The following AATF variants were observed in gnomAD, a reference collection of about 807,000 sequenced individuals.
AATF encodes the protein apoptosis antagonizing transcription factor.
AATF carries 48 observed loss-of-function variants against 63.7 expected under a neutral mutation model. The ratio of observed to expected loss-of-function variants is 0.75; its 90% CI spans 0.60 to 0.96. The LOEUF is 0.96. Among genes scored for constraint, AATF ranks in the 40% least tolerant of loss-of-function variants. The probability of loss-of-function intolerance (pLI) is 0.00; values close to 1 mark genes in which losing one functional copy is unlikely to be tolerated. For missense variants in AATF, 639 were observed against 685.7 expected (o/e 0.93, Z 0.76); for synonymous variants, 258 against 247.7 (o/e 1.04, Z -0.39).
rs199854942 is a variant in AATF, at chr17:36,953,864, C to G, written c.789C>G (p.Phe263Leu). 1.3e-5 allele frequency: 21 copies of G among 1,614,116 alleles called. No individual in the cohort carries two copies. In the Middle Eastern group the frequency reaches 2.8e-3, roughly 216 times the overall value. ...CTCAACCAGATGTTTTCCCATTGTT[C>G]AAGGACAAAGGTGGCCCAGAATTTT... Reference protein sequence around the residue: ...QLPQPDVFPLFKDKGGPEFSS... With the variant: ...QLPQPDVFPLLKDKGGPEFSS... Residue 263 changes from phenylalanine (F) to leucine (L), a missense_variant, in exon 4 of 12, where the codon TTC becomes TTG. Coordinates refer to ENST00000619387, the MANE Select transcript of AATF (RefSeq NM_012138.4).
At position 36,950,327 on chromosome 17, in the gene AATF, A is replaced by T. The variant is rs183301493; in HGVS notation, c.205A>T (p.Lys69Ter). Residue 69 changes from lysine to a stop codon, truncating the protein, a stop_gained, in exon 2 of 12, where the codon AAA (lysine) becomes TAA (stop). Coordinates refer to ENST00000619387, the MANE Select transcript of AATF (RefSeq NM_012138.4). LOFTEE classifies it high-confidence loss of function. ...ATCAGCCTCCCTCTTGGACACGGACAAAAGGTATTGCGGCAAAACCACCTC... is the reference window on the plus strand; with the variant it reads ...ATCAGCCTCCCTCTTGGACACGGACTAAAGGTATTGCGGCAAAACCACCTC... Reference protein sequence around the residue: ...LASASLLDTDKRYCGKTTSRK... With the variant: ...LASASLLDTD 1 of 1,614,184 alleles carries T rather than the reference A, an allele frequency of 6.2e-7. No individual in the cohort carries two copies.
intron 4 of AATF, among the ~76,000 whole-genome samples, chr17:36,985,373 A>G (rs533470247): frequency 1.3e-5 from 2 of 151,372 alleles, no homozygotes; most frequent in South Asian, 2.1e-4. Flanking sequence ...GGCTCAAGCC[A>G]TCCTCCCACC....
chr17:37,031,031 T>G (rs527489801), intron 10 of AATF, among the ~76,000 whole-genome samples: 41 of 152,236 alleles, frequency 2.7e-4, no homozygotes, highest in Non-Finnish European at 5.7e-4. Context: ...GAATCTGTGT[T>G]GAACTGTCAT....
chr17:36,991,711 G>A (rs1190046635), intron 8 of AATF, among the ~76,000 whole-genome samples: 1 of 150,834 alleles, frequency 6.6e-6, no homozygotes, highest in Non-Finnish European at 1.5e-5. Context: ...TCAGCCTCCC[G>A]AGTAGCTGGG....
chr17:36,952,873 CTCT>C lies in AATF; in HGVS notation c.284-8_284-6del, dbSNP rs1249102349. 1 of 1,605,040 alleles carries C rather than the reference CTCT, an allele frequency of 6.2e-7. No homozygotes were observed. Among genetic ancestry groups the C allele is most frequent in the South Asian group, 1.1e-5 (1 of 90,798 alleles). On this transcript the variant is annotated splice_polypyrimidine_tract_variant and intron_variant, in intron 2 of 11. Coordinates refer to ENST00000619387, the MANE Select transcript of AATF (RefSeq NM_012138.4). The stretch of plus-strand genomic sequence containing the variant: ...ATACCCATTTTTCTCTTTCTTCCCT[CTCT>C]TCTTTGTAGATGAGGAAATATCTGA...
chr17:37,013,612 C>T (rs2071407918), intron 8 of AATF, among the ~76,000 whole-genome samples: 1 of 134,546 alleles, frequency 7.4e-6, no homozygotes, highest in Admixed American at 6.8e-5. Context: ...TCACTCCCCA[C>T]AACCAAGGGA....
chr17:37,047,496 C>T (rs1430510339), intron 11 of AATF, among the ~76,000 whole-genome samples: 1 of 152,212 alleles, frequency 6.6e-6, no homozygotes, highest in Admixed American at 6.5e-5. Context: ...CCCCATCCCT[C>T]TCCCCTCTCC....
Position 37,056,829 on chromosome 17 carries a change from C to T in AATF, c.*165C>T. ...CACGCAAGGGCGCTGTCCCGCCCAA[C>T]CCCGCCTTTAAACGCCACAAATAAA... On this transcript the variant is annotated 3_prime_UTR_variant, in exon 12 of 12. Transcript: ENST00000619387. The T allele has an allele frequency of 1.5e-6, 1 of 669,748 alleles. No homozygotes were observed. The highest frequency in any genetic ancestry group is 2.8e-5 in the East Asian group (1 of 36,276). 41.5% of individuals were successfully genotyped at this position (669,748 alleles called of 1,614,324 possible).
At chr17:36,966,428 C>G (rs568561421) in intron 4 of AATF, among the ~76,000 whole-genome samples, 1 of 151,496 alleles carries the variant, frequency 6.6e-6, no homozygotes, top group African/African-American at 2.4e-5. Context: ...CTGTGCCTGG[C>G]TAATTTAAAA....
At chr17:36,988,849 T>C in intron 6 of AATF, 129 bp downstream of exon 6, 1 of 930,278 alleles carries the variant, frequency 1.1e-6, no homozygotes, top group Non-Finnish European at 1.6e-6. Flanking sequence ...TTCATTTCTA[T>C]AGCAAAATCT....
At chr17:37,013,245 A>G (rs1284532178) in intron 8 of AATF, among the ~76,000 whole-genome samples, 1 of 152,246 alleles carries the variant, frequency 6.6e-6, no homozygotes, top group Non-Finnish European at 1.5e-5. Context: ...CATTAGGGAA[A>G]TGCAAATCAA....
At chr17:37,007,406 A>G (rs530061064) in intron 8 of AATF, among the ~76,000 whole-genome samples, 6 of 122,764 alleles carry the variant, frequency 4.9e-5, no homozygotes, top group Admixed American at 4.2e-4. Context: ...TTCTCACTGC[A>G]TTGCCTAGGC....
At chr17:36,984,036 G>T (rs534082472) in intron 4 of AATF, among the ~76,000 whole-genome samples, 17 of 152,288 alleles carry the variant, frequency 1.1e-4, no homozygotes, top group African/African-American at 3.9e-4. Context: ...GGAAAAAGTT[G>T]GGATATAAAC....
intron 8 of AATF, among the ~76,000 whole-genome samples, chr17:37,011,199 C>T (rs976435994): frequency 6.6e-6 from 1 of 152,066 alleles, no homozygotes; most frequent in Non-Finnish European, 1.5e-5. Flanking sequence ...GGAAAAACCC[C>T]GTCTCAACTA....
chr17:37,040,939 A>G (rs756858526), intron 11 of AATF, among the ~76,000 whole-genome samples: 5 of 152,204 alleles, frequency 3.3e-5, no homozygotes, highest in African/African-American at 9.7e-5. Context: ...CAGTTTATGC[A>G]TGTAATTCTA....
chr17:36,952,392 A>G (rs2070862205), intron 2 of AATF, among the ~76,000 whole-genome samples: 1 of 152,234 alleles, frequency 6.6e-6, no homozygotes, highest in African/African-American at 2.4e-5. Flanking sequence ...CTGGCTCATA[A>G]TGAGTGCTTA....
chr17:37,050,877 C>G (rs2071742209), intron 11 of AATF, among the ~76,000 whole-genome samples: 1 of 152,176 alleles, frequency 6.6e-6, no homozygotes, highest in African/African-American at 2.4e-5. Flanking sequence ...CCCCCCACTC[C>G]TAAGAAGCAA....
At chr17:36,987,735 C>A (rs1597714222) in intron 5 of AATF, among the ~76,000 whole-genome samples, 1 of 152,328 alleles carries the variant, frequency 6.6e-6, no homozygotes, top group East Asian at 1.9e-4. Flanking sequence ...TTGTTGCCTA[C>A]CGCTTTGAGT....
chr17:37,034,045 A>C (rs899459956), intron 11 of AATF, among the ~76,000 whole-genome samples: 8 of 152,338 alleles, frequency 5.3e-5, no homozygotes, highest in African/African-American at 1.7e-4. Flanking sequence ...AGAAAGGGCT[A>C]TCCCTTGTGG....
Sources: gnomAD v4.1 joint callset for allele counts (sites outside exome capture counted in the v4.1 genomes callset) on GRCh38, gnomAD v4.1.1 for gene constraint, MANE v1.5 for transcripts, NCBI Gene and HGNC (gene_info 2026-07-23, HGNC 2026-07-21) for gene names.